HIP1: variants seen among roughly 807,000 people sequenced by gnomAD.
HIP1 encodes huntingtin interacting protein 1.
HIP1 carries 65 observed loss-of-function variants against 147.6 expected under a neutral mutation model. The observed-to-expected ratio is 0.44, with a 90% CI of 0.36 to 0.54. The LOEUF (loss-of-function observed/expected upper bound fraction) is 0.54. Ranked by LOEUF, HIP1 falls within the 20% of genes least tolerant of loss-of-function variation. The pLI is 0.00. For missense variants in HIP1, 1,061 were observed against 1,299.6 expected, an observed-to-expected ratio of 0.82 and a Z score of 2.82; for synonymous variants, 479 against 504.0, an observed-to-expected ratio of 0.95 and a Z score of 0.67.
chr7:75,549,581 G>C (rs1554491747), intron 22 of HIP1, among the ~76,000 whole-genome samples: 2 of 151,608 alleles, frequency 1.3e-5, no homozygotes, highest in African/African-American at 4.8e-5. Context: ...TTTTGCCCAG[G>C]CTGGTCTCAA....
chr7:75,612,675 G>T (rs782442926), intron 1 of HIP1, among the ~76,000 whole-genome samples: 2 of 151,534 alleles, frequency 1.3e-5, no homozygotes, highest in Non-Finnish European at 2.9e-5. Context: ...CAGGCCTGGT[G>T]GTGGGCGCCT....
chr7:75,642,737 C>T (rs13233152), intron 1 of HIP1, among the ~76,000 whole-genome samples: 27,163 of 152,134 alleles, frequency 0.18, 3,023 homozygotes, highest in Non-Finnish European at 0.26. Flanking sequence ...GGACTGACCT[C>T]AAATGTTACC....
chr7:75,641,492 G>T (rs1231196485), intron 1 of HIP1, among the ~76,000 whole-genome samples: 2 of 147,666 alleles, frequency 1.4e-5, no homozygotes, highest in African/African-American at 2.5e-5. Context: ...CTCCTTGTTT[G>T]CTTTTTTTTT....
rs782084689 is a variant in HIP1 at position 75,538,144 on chromosome 7, C to T, written c.*28G>A. 22 of 1,587,716 alleles carry T rather than the reference C, an allele frequency of 1.4e-5. No individual in the cohort carries two copies. The highest frequency in any genetic ancestry group is 1.9e-5 in the Non-Finnish European group (22 of 1,156,244). On this transcript the variant is annotated 3_prime_UTR_variant, in exon 31 of 31. Transcript: ENST00000336926. The stretch of plus-strand genomic sequence containing the variant: ...ACACGAGATAGGTAACAAGGATTTA[C>T]ACTGACATATGGGGTGTTGGTTTGG...
chr7:75,545,916 G>A (rs1794544383), intron 25 of HIP1, among the ~76,000 whole-genome samples: 1 of 152,058 alleles, frequency 6.6e-6, no homozygotes, highest in Admixed American at 6.6e-5. Flanking sequence ...ATTCTAGCCT[G>A]GCGACAGAGC....
intron 22 of HIP1, 36 bp downstream of exon 22, chr7:75,553,417 A>G: frequency 6.2e-7 from 1 of 1,606,664 alleles, no homozygotes; most frequent in Non-Finnish European, 8.5e-7. Context: ...CACCCAGAAG[A>G]ATAACAATGC....
At chr7:75,609,490 TC>T (rs1797346831) in intron 1 of HIP1, among the ~76,000 whole-genome samples, 2 of 151,186 alleles carry the variant, frequency 1.3e-5, no homozygotes, top group African/African-American at 2.4e-5. Context: ...CCATACACGC[TC>T]CCTCTTCTTT....
rs587643963 is a variant in HIP1 at position 75,582,279 on chromosome 7, C to T, written c.466-128G>A. The stretch of plus-strand genomic sequence containing the variant: ...CCGAGGTGGGAGGATTGCTTGAGCC[C>T]GGGAGTTCAAGTTTACAGTTCAAGG... On this transcript the variant is annotated intron_variant, in intron 5 of 30. Coordinates refer to ENST00000336926, the MANE Select transcript of HIP1 (RefSeq NM_005338.7). 56 of 687,148 alleles carry T rather than the reference C, an allele frequency of 8.1e-5. No homozygotes were observed. The East Asian group carries it at 1.1e-3, about 14-fold the overall frequency. 42.6% of individuals were successfully genotyped at this position (687,148 alleles called of 1,614,324 possible). A position where few individuals can be genotyped will look rare whatever the true frequency, so the allele number is the denominator to read the frequency against.
intron 7 of HIP1, among the ~76,000 whole-genome samples, chr7:75,579,019 C>T (rs1795943923): frequency 6.6e-6 from 1 of 152,024 alleles, no homozygotes; most frequent in African/African-American, 2.4e-5. Flanking sequence ...GGCGTTTCAC[C>T]ATGTTGGCCA....
intron 1 of HIP1, among the ~76,000 whole-genome samples, chr7:75,664,006 GTATATATATA>G (rs1799419768): frequency 5.5e-5 from 1 of 18,216 alleles, no homozygotes; most frequent in Admixed American, 6.9e-4. Flanking sequence ...ACATATATGT[GTATATATATA>G]CACATATATG....
intron 1 of HIP1, among the ~76,000 whole-genome samples, chr7:75,605,216 C>G (rs1243899170): frequency 1.3e-5 from 2 of 152,124 alleles, no homozygotes; most frequent in South Asian, 2.1e-4. Context: ...GAACCAGCAC[C>G]CGCTCTGTAC....
At chr7:75,689,892 A>ATCGTCAT (rs1185642953) in intron 1 of HIP1, among the ~76,000 whole-genome samples, 1 of 152,152 alleles carries the variant, frequency 6.6e-6, no homozygotes, top group East Asian at 1.9e-4. Context: ...AAATAGTGTC[A>ATCGTCAT]TCGTCATTCG....
At chr7:75,685,655 T>C (rs917839436) in intron 1 of HIP1, among the ~76,000 whole-genome samples, 8 of 152,184 alleles carry the variant, frequency 5.3e-5, no homozygotes. Context: ...TTCAAGCAAT[T>C]CTCCTGCCTC....
At chr7:75,700,796 C>A (rs1800802625) in intron 1 of HIP1, among the ~76,000 whole-genome samples, 1 of 152,084 alleles carries the variant, frequency 6.6e-6, no homozygotes, top group East Asian at 1.9e-4. Flanking sequence ...AACTCCGCCT[C>A]CCGGGTTCAC....
intron 2 of HIP1, among the ~76,000 whole-genome samples, chr7:75,594,071 C>G (rs1796598436): frequency 6.6e-6 from 1 of 151,884 alleles, no homozygotes; most frequent in South Asian, 2.1e-4. Flanking sequence ...CACCTGAGGT[C>G]AGAGTTTGAG....
intron 1 of HIP1, among the ~76,000 whole-genome samples, chr7:75,689,818 T>C (rs1800385909): frequency 6.6e-6 from 1 of 152,062 alleles, no homozygotes; most frequent in South Asian, 2.1e-4. Flanking sequence ...GGATGTCAAC[T>C]AAGTGGATTG....
At chr7:75,736,242 G>A (rs944583266) in intron 1 of HIP1, among the ~76,000 whole-genome samples, 7 of 141,880 alleles carry the variant, frequency 4.9e-5, no homozygotes, top group African/African-American at 1.3e-4. Flanking sequence ...GGCCGTCCCT[G>A]GATAGCAGGG....
chr7:75,566,791 C>A lies in HIP1; in HGVS notation c.803+1408G>T, dbSNP rs587613999. ...AAAATGGTGACTTCCAGATCTCTGG[C>A]CTAAATGGATGATGGCAGTATTTGT... On this transcript the variant is annotated intron_variant, in intron 9 of 30. Transcript: ENST00000336926. Among the ~76,000 whole-genome samples, 77 of 151,298 alleles carry A rather than the reference C, an allele frequency of 5.1e-4. 4 individuals are homozygous for A. The highest frequency in any genetic ancestry group is 1.8e-3 in the African/African-American group (75 of 40,692).
intron 1 of HIP1, among the ~76,000 whole-genome samples, chr7:75,712,741 A>G (rs1268259625): frequency 6.6e-6 from 1 of 151,680 alleles, no homozygotes; most frequent in Non-Finnish European, 1.5e-5. Context: ...CACTCATTCA[A>G]TCCCTCATTC....
Sources: gnomAD v4.1 joint callset for allele counts (sites outside exome capture counted in the v4.1 genomes callset) on GRCh38, gnomAD v4.1.1 for gene constraint, MANE v1.5 for transcripts, NCBI Gene and HGNC (gene_info 2026-07-23, HGNC 2026-07-21) for gene names.